LGSN: variants seen among roughly 807,000 people sequenced by gnomAD.
The protein encoded by LGSN is lengsin.
In LGSN, 21 loss-of-function variants were observed where a neutral mutation model predicts 19.5. That is an observed-to-expected ratio of 1.07 (90% CI 0.76 to 1.55). The LOEUF (loss-of-function observed/expected upper bound fraction) is 1.55. Among genes scored for constraint, LGSN ranks in the 40% most tolerant of loss-of-function variants. LGSN has a pLI of 0.00. For synonymous variants in LGSN, 257 were observed against 215.6 expected, an observed-to-expected ratio of 1.19 and a Z score of -1.68; for missense variants, 673 against 608.5, an observed-to-expected ratio of 1.11 and a Z score of -1.12.
At chr6:63,395,817 G>T in the LGSN span, 1 of 155,102 alleles carries the variant, frequency 6.4e-6, no homozygotes, top group South Asian at 1.8e-4. Context: ...CTGGAGGGCT[G>T]GGCTGGGTGG....
At position 63,276,275 on chromosome 6, in the gene LGSN, A is replaced by T. The variant is rs2127378000; in HGVS notation, c.*3746T>A. 1 of 152,312 alleles carries T rather than the reference A, an allele frequency of 6.6e-6. No individual in the cohort carries two copies. The highest frequency in any genetic ancestry group is 1.5e-5 in the Non-Finnish European group (1 of 68,032). 9.4% of individuals were successfully genotyped at this position (152,312 alleles called of 1,614,324 possible). On this transcript the variant is annotated 3_prime_UTR_variant, in exon 4 of 4. Transcript: ENST00000370657. ...TGCTTTCAATTTTTATTCAGATTAAAGTTTTTTGATCTTTCATTGCCTTCA... is the reference window on the plus strand; with the variant it reads ...TGCTTTCAATTTTTATTCAGATTAATGTTTTTTGATCTTTCATTGCCTTCA...
the LGSN span, among the ~76,000 whole-genome samples, chr6:63,478,643 C>T: frequency 1.3e-5 from 2 of 152,144 alleles, no homozygotes; most frequent in Non-Finnish European, 2.9e-5. Context: ...CCCCCATGTA[C>T]GGCTCATTCT....
the LGSN span, among the ~76,000 whole-genome samples, chr6:63,336,561 G>GTGTGTGTGTGTA: frequency 7.8e-6 from 1 of 127,578 alleles, no homozygotes; most frequent in African/African-American, 3.0e-5. Context: ...GTGTGTGTGT[G>GTGTGTGTGTGTA]TATATATATA....
chr6:63,484,891 T>C, the LGSN span, among the ~76,000 whole-genome samples: 1 of 152,236 alleles, frequency 6.6e-6, no homozygotes, highest in Non-Finnish European at 1.5e-5. Context: ...AGTGCTAAGT[T>C]AATGTGTCAG....
chr6:63,326,146 G>T, the LGSN span, among the ~76,000 whole-genome samples: 1 of 152,148 alleles, frequency 6.6e-6, no homozygotes, highest in South Asian at 2.1e-4. Flanking sequence ...ACAGAGTGTC[G>T]ATTGGTGCGT....
the LGSN span, among the ~76,000 whole-genome samples, chr6:63,398,164 C>T: frequency 8.8e-3 from 1,227 of 139,832 alleles, 14 homozygotes; most frequent in South Asian, 0.027. Flanking sequence ...TATATATTTA[C>T]TATACTATAT....
At chr6:63,386,427 C>T in the LGSN span, among the ~76,000 whole-genome samples, 1 of 151,938 alleles carries the variant, frequency 6.6e-6, no homozygotes, top group African/African-American at 2.4e-5. Context: ...TTATTGCTTA[C>T]TTGTTTGTTT....
chr6:63,473,654 G>A, the LGSN span, among the ~76,000 whole-genome samples: 19 of 151,020 alleles, frequency 1.3e-4, no homozygotes, highest in East Asian at 5.8e-4. Context: ...TCATTGTTAC[G>A]AAACAGATGA....
chr6:63,412,772 G>GAAAGAAAGAAAGA, the LGSN span, among the ~76,000 whole-genome samples: 639 of 41,150 alleles, frequency 0.016, 15 homozygotes, highest in Middle Eastern at 0.028. Context: ...AGAAAGAAAG[G>GAAAGAAAGAAAGA]AAGGAAGGGA....
At chr6:63,363,596 A>G in the LGSN span, among the ~76,000 whole-genome samples, 1 of 152,220 alleles carries the variant, frequency 6.6e-6, no homozygotes, top group Non-Finnish European at 1.5e-5. Flanking sequence ...AAGAAAGGGT[A>G]TCAGTGATTG....
At chr6:63,523,506 A>G in the LGSN span, among the ~76,000 whole-genome samples, 2 of 152,032 alleles carry the variant, frequency 1.3e-5, no homozygotes, top group African/African-American at 2.4e-5. Context: ...GTGAGACTCC[A>G]TCTCAAAAAT....
At chr6:63,424,064 A>T in the LGSN span, among the ~76,000 whole-genome samples, 1 of 152,152 alleles carries the variant, frequency 6.6e-6, no homozygotes, top group Non-Finnish European at 1.5e-5. Flanking sequence ...AGAAAGAAAG[A>T]AAAACTGAGT....
the LGSN span, chr6:63,550,450 T>C: frequency 6.6e-6 from 1 of 152,244 alleles, no homozygotes; most frequent in East Asian, 1.9e-4. Context: ...TGAAGCGTTC[T>C]TCAGACGACT....
rs73432874 is a variant in LGSN at position 63,293,027 on chromosome 6, G to T, written c.163+1886C>A. On this transcript the variant is annotated intron_variant, in intron 2 of 3. Transcript: ENST00000370657. ...CCTTTTTTCAGAGTGGGGTAGGGGGGTAAGGTCTCTCTCTGTTACCCTGGC... is the reference window on the plus strand; with the variant it reads ...CCTTTTTTCAGAGTGGGGTAGGGGGTTAAGGTCTCTCTCTGTTACCCTGGC... Among the ~76,000 whole-genome samples, 367 of 152,150 alleles carry T rather than the reference G, an allele frequency of 2.4e-3. 2 individuals carry two copies. The highest frequency in any genetic ancestry group is 8.4e-3 in the African/African-American group (350 of 41,504).
At chr6:63,383,114 A>ATTTG in the LGSN span, among the ~76,000 whole-genome samples, 1,407 of 151,936 alleles carry the variant, frequency 9.3e-3, 11 homozygotes, top group South Asian at 0.025. Context: ...GAGCAGATTT[A>ATTTG]TTTGTTTGTT....
At chr6:63,496,540 G>A in the LGSN span, among the ~76,000 whole-genome samples, 1 of 151,846 alleles carries the variant, frequency 6.6e-6, no homozygotes, top group Non-Finnish European at 1.5e-5. Flanking sequence ...AAAAGAAATA[G>A]ATTCAGGAAG....
the LGSN span, among the ~76,000 whole-genome samples, chr6:63,565,562 T>C: frequency 1.3e-5 from 2 of 152,240 alleles, no homozygotes. Context: ...AGGATTCATT[T>C]ATTAATATAA....
At chr6:63,317,931 C>T (rs1413200963) in intron 1 of LGSN, among the ~76,000 whole-genome samples, 1 of 152,186 alleles carries the variant, frequency 6.6e-6, no homozygotes, top group Non-Finnish European at 1.5e-5. Flanking sequence ...TTACCCAGCT[C>T]AGCACCACAC....
chr6:63,507,808 C>T, the LGSN span, among the ~76,000 whole-genome samples: 1 of 152,184 alleles, frequency 6.6e-6, no homozygotes, highest in Non-Finnish European at 1.5e-5. Context: ...ACTGTTCAGA[C>T]AGGTTGATGG....
Sources: allele counts gnomAD v4.1 joint callset (sites outside exome capture counted in the v4.1 genomes callset), GRCh38; gene constraint gnomAD v4.1.1; transcripts MANE v1.5; gene names NCBI Gene and HGNC (gene_info 2026-07-23, HGNC 2026-07-21).